The following CEP63 variants were observed in gnomAD, a reference collection of about 807,000 sequenced individuals.
CEP63 encodes centrosomal protein 63.
Under a neutral mutation model 89.1 loss-of-function variants are expected in CEP63, and 84 were observed. The observed-to-expected ratio is 0.94, with a 90% CI of 0.79 to 1.13. The LOEUF is 1.13. Ranked by LOEUF, CEP63 falls within the 50% of genes most tolerant of loss-of-function variation. CEP63 has a pLI of 0.00. For synonymous variants in CEP63, 267 were observed against 272.5 expected (o/e 0.98, Z 0.20); for missense variants, 838 against 813.3 (o/e 1.03, Z -0.37).
chr3:134,576,442 G>T (rs969904251), downstream of CEP63, among the ~76,000 whole-genome samples: 1 of 152,180 alleles, frequency 6.6e-6, no homozygotes, highest in Non-Finnish European at 1.5e-5. Context: ...TGACAAGTGC[G>T]CATGGCAGTA....
intron 2 of CEP63, among the ~76,000 whole-genome samples, chr3:134,502,942 A>T (rs747396703): frequency 6.6e-6 from 1 of 152,040 alleles, no homozygotes; most frequent in Non-Finnish European, 1.5e-5. Context: ...TCCTCTTAAC[A>T]TGGCAAAGAA....
intron 12 of CEP63, among the ~76,000 whole-genome samples, chr3:134,555,810 C>T (rs1439554569): frequency 2.0e-5 from 3 of 151,880 alleles, no homozygotes; most frequent in East Asian, 1.9e-4. Flanking sequence ...GAGCCCGCAT[C>T]GCCAAGTCAA....
chr3:134,572,950 T>C (rs1958074681), intron 11 of CEP63, among the ~76,000 whole-genome samples: 1 of 152,206 alleles, frequency 6.6e-6, no homozygotes, highest in African/African-American at 2.4e-5. Flanking sequence ...TAATAGCCAT[T>C]CTGACTGATA....
At chr3:134,725,389 C>T in the CEP63 span, among the ~76,000 whole-genome samples, 706 of 152,184 alleles carry the variant, frequency 4.6e-3, 3 homozygotes, top group African/African-American at 0.016. Context: ...AGTTACACCC[C>T]AAATACATAT....
At chr3:134,647,391 C>G in the CEP63 span, 25 of 1,374,720 alleles carry the variant, frequency 1.8e-5, no homozygotes, top group Middle Eastern at 3.6e-4. Context: ...AGTTATTATT[C>G]AATGTATTAA....
At chr3:134,599,457 C>G in the CEP63 span, among the ~76,000 whole-genome samples, 2 of 152,152 alleles carry the variant, frequency 1.3e-5, no homozygotes, top group Admixed American at 6.6e-5. Context: ...CTGGATTTTT[C>G]ATTTTCTGTA....
At chr3:134,514,097 A>G (rs1228217941) in intron 3 of CEP63, among the ~76,000 whole-genome samples, 1 of 152,166 alleles carries the variant, frequency 6.6e-6, no homozygotes, top group East Asian at 1.9e-4. Context: ...AGTTTACAAT[A>G]ACAATGTTTA....
chr3:134,609,755 G>A, the CEP63 span, among the ~76,000 whole-genome samples: 1 of 152,170 alleles, frequency 6.6e-6, no homozygotes, highest in African/African-American at 2.4e-5. Flanking sequence ...ATGTGATACG[G>A]TCTCACTCAG....
intron 5 of CEP63, 170 bp from the exon 6 acceptor site, chr3:134,536,985 T>C: frequency 1.5e-6 from 1 of 651,248 alleles, no homozygotes; most frequent in Non-Finnish European, 2.9e-6. Context: ...GTGAGGAAGT[T>C]AGTATTACTC....
At chr3:134,680,249 C>T in the CEP63 span, among the ~76,000 whole-genome samples, 1 of 152,136 alleles carries the variant, frequency 6.6e-6, no homozygotes, top group East Asian at 1.9e-4. Flanking sequence ...TACTGGCAGC[C>T]CTAGCAAACT....
the CEP63 span, chr3:134,620,845 T>C: frequency 6.2e-7 from 1 of 1,610,854 alleles, no homozygotes; most frequent in Non-Finnish European, 8.5e-7. Context: ...TCTAGGCCAC[T>C]CTTGGCTGTC....
At chr3:134,742,344 G>T in the CEP63 span, among the ~76,000 whole-genome samples, 2 of 152,262 alleles carry the variant, frequency 1.3e-5, no homozygotes, top group South Asian at 4.1e-4. Flanking sequence ...TGTGTCTGGT[G>T]GATGGCAACA....
the CEP63 span, among the ~76,000 whole-genome samples, chr3:134,681,261 C>T: frequency 1.3e-5 from 2 of 152,126 alleles, no homozygotes; most frequent in African/African-American, 4.8e-5. Context: ...ATATTGTAAA[C>T]TGTGAAGTGA....
chr3:134,639,465 G>A, the CEP63 span, among the ~76,000 whole-genome samples: 1 of 152,180 alleles, frequency 6.6e-6, no homozygotes, highest in East Asian at 1.9e-4. Context: ...ATTAGGAACG[G>A]AAAACAAAGG....
At chr3:134,743,583 C>G in the CEP63 span, among the ~76,000 whole-genome samples, 1 of 152,096 alleles carries the variant, frequency 6.6e-6, no homozygotes, top group Non-Finnish European at 1.5e-5. Context: ...TTCACTGGAC[C>G]AAGGGGGTGA....
chr3:134,504,988 G>C, intron 2 of CEP63, among the ~76,000 whole-genome samples: 1 of 151,994 alleles, frequency 6.6e-6, no homozygotes, highest in Admixed American at 6.5e-5. Flanking sequence ...ATCCATCTCT[G>C]TTGAATTTCT....
the CEP63 span, among the ~76,000 whole-genome samples, chr3:134,732,540 A>T: frequency 3.3e-5 from 5 of 152,184 alleles, no homozygotes; most frequent in Non-Finnish European, 7.4e-5. Flanking sequence ...GTGCAAGAAG[A>T]AATACATTTG....
In CEP63 at chr3:134,547,443, G is replaced by C; in HGVS notation, c.1038G>C (p.Leu346=). 6.2e-7 allele frequency: 1 copy of C among 1,613,736 alleles called. No homozygotes were observed. Among genetic ancestry groups the C allele is most frequent in the Non-Finnish European group, 8.5e-7 (1 of 1,179,752 alleles). Reference sequence around the variant, plus strand: ...TTACCCATACTAGTGAGGACCTTCTGCAGGCAGAGGTGACTTGTCTTGAAG... The same window carrying C: ...TTACCCATACTAGTGAGGACCTTCTCCAGGCAGAGGTGACTTGTCTTGAAG... ...LNFTHTSEDL[L]QAEVTCLEGS... is the part of the protein sequence containing the mutation. Residue 346 remains leucine, a synonymous_variant, in exon 9 of 15, where the codon CTG becomes CTC. Coordinates refer to ENST00000675561, the MANE Select transcript of CEP63 (RefSeq NM_001353108.3).
At chr3:134,669,473 G>A in the CEP63 span, among the ~76,000 whole-genome samples, 1 of 152,150 alleles carries the variant, frequency 6.6e-6, no homozygotes, top group Non-Finnish European at 1.5e-5. Flanking sequence ...TGAGGAGGGG[G>A]GTCTTGGGCC....
Sources: allele counts gnomAD v4.1 joint callset (sites outside exome capture counted in the v4.1 genomes callset), GRCh38; gene constraint gnomAD v4.1.1; transcripts MANE v1.5; gene names NCBI Gene and HGNC (gene_info 2026-07-23, HGNC 2026-07-21).